Variants in PKN2 observed in about 807,000 individuals in gnomAD.
PKN2 encodes serine/threonine-protein kinase N2.
A neutral mutation model predicts 119.1 loss-of-function variants in PKN2; 38 were observed. The ratio of observed to expected loss-of-function variants is 0.32; its 90% CI spans 0.25 to 0.42. The LOEUF is 0.42. Ranked by LOEUF, PKN2 falls within the 10% of genes least tolerant of loss-of-function variation. PKN2 has a pLI of 1.00. For synonymous variants in PKN2, 390 were observed against 384.9 expected (o/e 1.01, Z -0.15); for missense variants, 850 against 1,165.1 (o/e 0.73, Z 3.94).
intron 3 of PKN2, among the ~76,000 whole-genome samples, chr1:88,762,815 TAA>T (rs778434348): frequency 6.6e-6 from 1 of 152,240 alleles, no homozygotes; most frequent in Admixed American, 6.5e-5. Context: ...TGGCATTTAA[TAA>T]AAAATTACTT....
intron 18 of PKN2, among the ~76,000 whole-genome samples, chr1:88,825,381 T>C (rs1672459137): frequency 6.6e-6 from 1 of 152,184 alleles, no homozygotes; most frequent in Non-Finnish European, 1.5e-5. Flanking sequence ...TCCAAAGATA[T>C]ATATTCAACT....
At chr1:88,739,956 C>G (rs1668512150) in intron 1 of PKN2, among the ~76,000 whole-genome samples, 1 of 151,846 alleles carries the variant, frequency 6.6e-6, no homozygotes, top group Admixed American at 6.6e-5. Context: ...CCATTCATAT[C>G]TGTGGATTCA....
chr1:88,734,855 A>T (rs1359620421), intron 1 of PKN2, among the ~76,000 whole-genome samples: 1 of 152,196 alleles, frequency 6.6e-6, no homozygotes, highest in African/African-American at 2.4e-5. Flanking sequence ...TTGATTGTAA[A>T]GATAGGAAAA....
At chr1:88,740,096 T>G (rs1045287340) in intron 1 of PKN2, among the ~76,000 whole-genome samples, 9 of 152,186 alleles carry the variant, frequency 5.9e-5, no homozygotes, top group Middle Eastern at 3.4e-3. Context: ...TAACTAGAGA[T>G]TAAAGTATGG....
chr1:88,686,776 C>G (rs1348269177), intron 1 of PKN2, among the ~76,000 whole-genome samples: 1 of 152,002 alleles, frequency 6.6e-6, no homozygotes, highest in Non-Finnish European at 1.5e-5. Context: ...TTCATTGGGT[C>G]CTGAAACTTA....
At position 88,716,697 on chromosome 1, in the gene PKN2, T is replaced by TGG. The variant is rs1667472889; in HGVS notation, c.49-24290_49-24289insGG. Among the ~76,000 whole-genome samples, 3 of 152,322 alleles carry TGG rather than the reference T, an allele frequency of 2.0e-5. No homozygotes were observed. In the South Asian group the frequency reaches 6.2e-4, roughly 32 times the overall value. ...TTGAGCCTATGTGTGTCTCTGTACA[T>TGG]GAGATGGGTCTCCTGAATACAGCAC... is the stretch of plus-strand genomic sequence containing the variant. On this transcript the variant is annotated intron_variant, in intron 1 of 21. Coordinates refer to ENST00000370521, the MANE Select transcript of PKN2 (RefSeq NM_006256.4).
At chr1:88,750,374 A>C (rs1201020999) in intron 2 of PKN2, among the ~76,000 whole-genome samples, 1 of 152,184 alleles carries the variant, frequency 6.6e-6, no homozygotes, top group Non-Finnish European at 1.5e-5. Flanking sequence ...ACTCTGTTTC[A>C]TCTTGTAAGC....
At chr1:88,724,071 G>T (rs1049426873) in intron 1 of PKN2, among the ~76,000 whole-genome samples, 1 of 152,094 alleles carries the variant, frequency 6.6e-6, no homozygotes, top group Non-Finnish European at 1.5e-5. Context: ...TTTAAGTTAG[G>T]TAACTATTTA....
chr1:88,832,733 A>G lies in PKN2; in HGVS notation c.2563-11A>G. 4.6e-6 allele frequency: 7 copies of G among 1,508,742 alleles called. No homozygotes were observed. Among genetic ancestry groups the G allele is most frequent in the Non-Finnish European group, 6.4e-6 (7 of 1,096,120 alleles). 93.5% of individuals were successfully genotyped at this position (1,508,742 alleles called of 1,614,324 possible). A position where few individuals can be genotyped will look rare whatever the true frequency, so the allele number is the denominator to read the frequency against. On this transcript the variant is annotated splice_polypyrimidine_tract_variant and intron_variant, in intron 19 of 21. Transcript: ENST00000370521. Reference sequence around the variant, plus strand: ...AACTTGCTTTAACTTACTCAAAGGTATTTCTTCTAGTCTCCCTTTCCTGGT... The same window carrying G: ...AACTTGCTTTAACTTACTCAAAGGTGTTTCTTCTAGTCTCCCTTTCCTGGT...
chr1:88,747,472 A>T (rs549010287), intron 2 of PKN2, among the ~76,000 whole-genome samples: 20 of 152,246 alleles, frequency 1.3e-4, no homozygotes, highest in Admixed American at 1.2e-3. Context: ...AATGTACCTT[A>T]TGAAAAAAGA....
intron 1 of PKN2, among the ~76,000 whole-genome samples, chr1:88,701,791 T>A (rs1666779226): frequency 1.3e-5 from 2 of 152,224 alleles, no homozygotes; most frequent in African/African-American, 4.8e-5. Flanking sequence ...AGATTTCTAG[T>A]TAGCTACTAT....
chr1:88,751,134 C>T (rs929000816), intron 2 of PKN2, among the ~76,000 whole-genome samples: 2 of 151,996 alleles, frequency 1.3e-5, no homozygotes, highest in East Asian at 3.8e-4. Context: ...ATTTTTTTCC[C>T]CTATCCCTAT....
chr1:88,815,720 G>A (rs758022108), intron 16 of PKN2, among the ~76,000 whole-genome samples: 10 of 152,120 alleles, frequency 6.6e-5, no homozygotes, highest in Admixed American at 1.3e-4. Context: ...ATATCTTAAG[G>A]CTTGATTGAA....
At chr1:88,818,723 C>A (rs1433379354) in intron 16 of PKN2, among the ~76,000 whole-genome samples, 2 of 151,308 alleles carry the variant, frequency 1.3e-5, no homozygotes, top group Non-Finnish European at 2.9e-5. Context: ...ATAGCCAAGA[C>A]AACGCTAAGC....
intron 6 of PKN2, among the ~76,000 whole-genome samples, chr1:88,774,849 C>T (rs1357653017): frequency 2.0e-5 from 3 of 152,028 alleles, no homozygotes; most frequent in South Asian, 2.1e-4. Flanking sequence ...GCTAGGAGTA[C>T]GGGAACGTGC....
chr1:88,807,483 T>C (rs771028657), intron 13 of PKN2, 40 bp downstream of exon 13: 1 of 1,604,466 alleles, frequency 6.2e-7, no homozygotes, highest in Non-Finnish European at 8.5e-7. Flanking sequence ...ACATGTTTGG[T>C]ACCATACTTT....
At chr1:88,827,924 C>G (rs964127309) in intron 18 of PKN2, among the ~76,000 whole-genome samples, 2 of 151,750 alleles carry the variant, frequency 1.3e-5, no homozygotes, top group Admixed American at 6.6e-5. Flanking sequence ...CGGGTTTCAT[C>G]ATGTTGGCCA....
At chr1:88,741,818 AT>A (rs1478223916) in intron 2 of PKN2, among the ~76,000 whole-genome samples, 2 of 152,038 alleles carry the variant, frequency 1.3e-5, no homozygotes, top group African/African-American at 2.4e-5. Flanking sequence ...CATTACTTTT[AT>A]TTTCTTTATA....
At chr1:88,782,381 C>CT (rs926763431) in intron 6 of PKN2, among the ~76,000 whole-genome samples, 29 of 147,922 alleles carry the variant, frequency 2.0e-4, no homozygotes, top group East Asian at 1.2e-3. Context: ...AATTCATGGC[C>CT]TTTTTTTTTT....
Sources: allele counts gnomAD v4.1 joint callset (sites outside exome capture counted in the v4.1 genomes callset), GRCh38; gene constraint gnomAD v4.1.1; transcripts MANE v1.5; gene names NCBI Gene and HGNC (gene_info 2026-07-23, HGNC 2026-07-21).